Variants in CAGE1 observed in about 807,000 individuals in gnomAD.
CAGE1 encodes cancer-associated gene 1 protein.
CAGE1 carries 66 observed loss-of-function variants against 94.9 expected under a neutral mutation model. That is an observed-to-expected ratio of 0.70 (90% CI 0.57 to 0.85). CAGE1 has a LOEUF of 0.85. CAGE1 is among the 40% of genes least tolerant of loss of function. The pLI is 0.00. For missense variants in CAGE1, 865 were observed against 950.4 expected, an observed-to-expected ratio of 0.91 and a Z score of 1.18; for synonymous variants, 319 against 321.0, an observed-to-expected ratio of 0.99 and a Z score of 0.07.
rs567563554 is a variant in CAGE1 at position 7,345,567 on chromosome 6, T to C, written c.2369+9474A>G. On this transcript the variant is annotated intron_variant, in intron 11 of 13. Coordinates refer to ENST00000502583, the MANE Select transcript of CAGE1 (RefSeq NM_001170692.2). ...ACCAAGTAGTTTTCTTTCAGCCTTT[T>C]AGAAAAACAATGTCACTAATAGCTT... Among the ~76,000 whole-genome samples, 112 of 152,322 alleles carry C rather than the reference T, an allele frequency of 7.4e-4. 1 individual carries two copies. Among genetic ancestry groups the C allele is most frequent in the African/African-American group, 2.6e-3 (109 of 41,570 alleles).
At chr6:7,334,140 C>A in intron 11 of CAGE1, 50 bp from the exon 12 acceptor site, 1 of 1,169,982 alleles carries the variant, frequency 8.5e-7, no homozygotes, top group Admixed American at 2.4e-5. Context: ...CTTTTCTAGA[C>A]CAATATTTTG....
At chr6:7,379,710 C>T (rs1760869111) in intron 3 of CAGE1, among the ~76,000 whole-genome samples, 1 of 152,172 alleles carries the variant, frequency 6.6e-6, no homozygotes, top group Admixed American at 6.5e-5. Context: ...TGTATTCATT[C>T]TTCCCATTCC....
At chr6:7,363,173 G>A (rs1057452220) in intron 9 of CAGE1, among the ~76,000 whole-genome samples, 57 of 152,188 alleles carry the variant, frequency 3.7e-4, no homozygotes, top group Non-Finnish European at 6.9e-4. Flanking sequence ...AGGAGGCTGA[G>A]GCAGGAGAAT....
At chr6:7,344,041 G>C (rs1759303752) in intron 11 of CAGE1, among the ~76,000 whole-genome samples, 1 of 152,264 alleles carries the variant, frequency 6.6e-6, no homozygotes, top group South Asian at 2.1e-4. Flanking sequence ...AGTGGTGAGA[G>C]GTGACAGCGT....
intron 11 of CAGE1, among the ~76,000 whole-genome samples, chr6:7,344,973 A>C (rs370019091): frequency 1.3e-5 from 2 of 152,172 alleles, no homozygotes; most frequent in Non-Finnish European, 2.9e-5. Context: ...AAAACAGGCC[A>C]CTCGGCTCTA....
At chr6:7,341,627 T>C in intron 11 of CAGE1, 1 of 766,526 alleles carries the variant, frequency 1.3e-6, no homozygotes, top group South Asian at 1.3e-5. Flanking sequence ...AGATGGGTGT[T>C]TGCAACAGTG....
chr6:7,344,004 A>G lies in CAGE1; in HGVS notation c.2370-9914T>C, dbSNP rs538965967. Among the ~76,000 whole-genome samples the G allele has an allele frequency of 6.4e-4, 97 of 152,356 alleles. 1 individual carries two copies. Among genetic ancestry groups the G allele is most frequent in the Non-Finnish European group, 1.1e-3 (72 of 68,024 alleles). Reference sequence around the variant, plus strand: ...GAGCAGGAACTTCTACATCTGAAACAGACAGATCTGGACTTAAGTGTTAGA... The same window carrying G: ...GAGCAGGAACTTCTACATCTGAAACGGACAGATCTGGACTTAAGTGTTAGA... On this transcript the variant is annotated intron_variant, in intron 11 of 13. Coordinates refer to ENST00000502583, the MANE Select transcript of CAGE1 (RefSeq NM_001170692.2).
chr6:7,331,394 A>T, intron 12 of CAGE1: 1 of 872,562 alleles, frequency 1.1e-6, no homozygotes, highest in South Asian at 1.9e-5. Flanking sequence ...ACTTTAGTGC[A>T]GGGTTTCTGG....
intron 2 of CAGE1, among the ~76,000 whole-genome samples, 161 bp downstream of exon 2, chr6:7,386,818 C>G (rs1264653203): frequency 6.6e-6 from 1 of 152,256 alleles, no homozygotes; most frequent in African/African-American, 2.4e-5. Flanking sequence ...ATGTATCTTA[C>G]GCTAGCGAAA....
intron 11 of CAGE1, among the ~76,000 whole-genome samples, chr6:7,334,725 C>CAAAAA (rs58790989): frequency 8.8e-5 from 6 of 67,896 alleles, no homozygotes; most frequent in African/African-American, 4.1e-4. Flanking sequence ...GACTCTCTCT[C>CAAAAA]AAAAAAAAAA....
At chr6:7,380,527 C>T (rs1316005008) in intron 3 of CAGE1, among the ~76,000 whole-genome samples, 3 of 151,832 alleles carry the variant, frequency 2.0e-5, no homozygotes, top group Non-Finnish European at 4.4e-5. Flanking sequence ...ATCCCAGCTA[C>T]TCAGGAGGCT....
intron 11 of CAGE1, among the ~76,000 whole-genome samples, chr6:7,338,076 G>A (rs1251393966): frequency 1.3e-5 from 2 of 152,010 alleles, no homozygotes; most frequent in Non-Finnish European, 2.9e-5. Flanking sequence ...TATTTTTGGT[G>A]CTATCAGAAA....
intron 5 of CAGE1, among the ~76,000 whole-genome samples, chr6:7,371,249 A>T (rs1457011569): frequency 1.3e-5 from 2 of 152,196 alleles, no homozygotes; most frequent in Non-Finnish European, 2.9e-5. Flanking sequence ...CTGTGCTTTA[A>T]CAAGCGTTTT....
intron 9 of CAGE1, among the ~76,000 whole-genome samples, chr6:7,363,301 A>G (rs111478077): frequency 2.4e-4 from 37 of 152,314 alleles, no homozygotes; most frequent in African/African-American, 8.7e-4. Context: ...ATACTAACAG[A>G]TAAGGGCTTT....
At position 7,378,700 on chromosome 6, in the gene CAGE1, T is replaced by C. The variant is rs1440992323; in HGVS notation, c.604A>G (p.Lys202Glu). ...TTAGCCAGTGACTTTTCTGTAAATTTCAGCATCTCTCCACTGCAGTGGATT... is the reference window on the plus strand; with the variant it reads ...TTAGCCAGTGACTTTTCTGTAAATTCCAGCATCTCTCCACTGCAGTGGATT... ...PLIHCSGEML[K>E]FTEKSLAKSI... The change falls in exon 4 of 14, where the codon AAA becomes GAA. Residue 202 changes from lysine to glutamate, a missense_variant. Physicochemically the swap from Lys to Glu is moderately conservative, Grantham distance 56. Coordinates refer to ENST00000502583, the MANE Select transcript of CAGE1 (RefSeq NM_001170692.2). 6.2e-7 allele frequency: 1 copy of C among 1,613,408 alleles called. No homozygotes were observed. Among genetic ancestry groups the C allele is most frequent in the Non-Finnish European group, 8.5e-7 (1 of 1,179,750 alleles).
intron 11 of CAGE1, chr6:7,341,554 T>A: frequency 8.3e-7 from 1 of 1,204,920 alleles, no homozygotes; most frequent in East Asian, 2.4e-5. Flanking sequence ...GCCTCGGACC[T>A]TTTTCCTCTC....
At chr6:7,332,060 TAATC>T (rs561664304) in intron 12 of CAGE1, among the ~76,000 whole-genome samples, 167 of 152,312 alleles carry the variant, frequency 1.1e-3, no homozygotes, top group South Asian at 7.9e-3. Context: ...GTCTTAATAT[TAATC>T]AATCCTTTAA....
rs190640017 is a variant in CAGE1, at chr6:7,339,525, C to T, written c.2370-5435G>A. On this transcript the variant is annotated intron_variant, in intron 11 of 13. Coordinates refer to ENST00000502583, the MANE Select transcript of CAGE1 (RefSeq NM_001170692.2). This position sits in a 1 kb window ranked among gnomAD's most constrained non-coding sequence, Gnocchi z 4.7. ...CTCATTCATTTCAGCTTAGAAGATG[C>T]CATCAGTGACAAACTTCCTCTTCTT... The T allele has an allele frequency of 1.5e-4, 117 of 797,284 alleles. 2 individuals are homozygous for T. The African/African-American group carries it at 1.6e-3, about 11-fold the overall frequency. 49.4% of individuals were successfully genotyped at this position (797,284 alleles called of 1,614,324 possible). A position where few individuals can be genotyped will look rare whatever the true frequency, so the allele number is the denominator to read the frequency against.
Position 7,368,751 on chromosome 6 carries a change from AACC to A in CAGE1, c.1938_1940del (p.Lys646_Val647delinsAsn). 1 of 1,561,570 alleles carries A rather than the reference AACC, an allele frequency of 6.4e-7. No homozygotes were observed. The highest frequency in any genetic ancestry group is 8.7e-7 in the Non-Finnish European group (1 of 1,152,058). The stretch of plus-strand genomic sequence containing the variant: ...TCAGTTTTTGCAGCATTATATCACT[AACC>A]TTCTCACTCTCTTTGAAATGTTCAG... On this transcript the variant is annotated inframe_deletion, in exon 7 of 14. Transcript: ENST00000502583.
Sources: allele counts gnomAD v4.1 joint callset (sites outside exome capture counted in the v4.1 genomes callset), GRCh38; gene constraint gnomAD v4.1.1; non-coding constraint Gnocchi (gnomAD v3.1); transcripts MANE v1.5; gene names NCBI Gene and HGNC (gene_info 2026-07-23, HGNC 2026-07-21).